The following TRIM36 variants were observed in gnomAD, a reference collection of about 807,000 sequenced individuals.
TRIM36 encodes E3 ubiquitin-protein ligase TRIM36.
Under a neutral mutation model 72.4 loss-of-function variants are expected in TRIM36, and 42 were observed. That is an observed-to-expected ratio of 0.58 (90% CI 0.45 to 0.75). TRIM36 has a LOEUF of 0.75. TRIM36 is among the 30% of genes least tolerant of loss of function. TRIM36 has a pLI of 0.00. For missense variants in TRIM36, 913 were observed against 857.1 expected, an observed-to-expected ratio of 1.07 and a Z score of -0.81; for synonymous variants, 315 against 282.8, an observed-to-expected ratio of 1.11 and a Z score of -1.14.
intron 9 of TRIM36, among the ~76,000 whole-genome samples, chr5:115,129,204 A>G (rs891994195): frequency 6.6e-6 from 1 of 152,244 alleles, no homozygotes; most frequent in Non-Finnish European, 1.5e-5. Context: ...TCTCGCAACA[A>G]TGAAATTGCC....
chr5:115,135,668 T>C (rs913429866), intron 7 of TRIM36, among the ~76,000 whole-genome samples: 4 of 152,118 alleles, frequency 2.6e-5, no homozygotes, highest in African/African-American at 7.2e-5. Context: ...AGGGAGGACC[T>C]AGGACTCACA....
chr5:115,131,023 A>G, intron 8 of TRIM36, 134 bp from the exon 9 acceptor site: 2 of 952,536 alleles, frequency 2.1e-6, no homozygotes, highest in Non-Finnish European at 3.0e-6. Flanking sequence ...ACCCCGGACA[A>G]CTATGACAAA....
exon 1 of TRIM36, chr5:115,180,033 G>A (rs1307102082): frequency 1.2e-6 from 2 of 1,613,932 alleles, no homozygotes; most frequent in Admixed American, 3.3e-5. Flanking sequence ...CCCAGACTCC[G>A]ACATGTTTAC....
At chr5:115,170,713 C>G (rs561066137), upstream of TRIM36, among the ~76,000 whole-genome samples, 24 of 152,368 alleles carry the variant, frequency 1.6e-4, no homozygotes, top group African/African-American at 5.8e-4. Flanking sequence ...GTGGAGATTC[C>G]TCTCCCGGAT....
intron 2 of TRIM36, among the ~76,000 whole-genome samples, chr5:115,154,373 A>C (rs1277800107): frequency 6.6e-6 from 1 of 152,092 alleles, no homozygotes; most frequent in Non-Finnish European, 1.5e-5. Context: ...AAATGAAAAA[A>C]AAAACCCACA....
At chr5:115,144,496 CAA>C in intron 4 of TRIM36, 100 bp downstream of exon 4, 1 of 1,396,216 alleles carries the variant, frequency 7.2e-7, no homozygotes, top group East Asian at 2.4e-5. Context: ...CATTTTAGTA[CAA>C]AAGAGACCAT....
chr5:115,164,002 G>T (rs1321235998), intron 1 of TRIM36, among the ~76,000 whole-genome samples: 1 of 152,062 alleles, frequency 6.6e-6, no homozygotes, highest in African/African-American at 2.4e-5. Context: ...AAAATATTAG[G>T]GGACCATGAT....
intron 5 of TRIM36, among the ~76,000 whole-genome samples, chr5:115,140,576 C>G (rs1753223696): frequency 6.6e-6 from 1 of 152,138 alleles, no homozygotes; most frequent in Non-Finnish European, 1.5e-5. Flanking sequence ...CCTTTCCAGA[C>G]ACTAACCTAC....
intron 5 of TRIM36, among the ~76,000 whole-genome samples, 163 bp from the exon 6 acceptor site, chr5:115,137,779 A>T (rs1580651671): frequency 6.6e-6 from 1 of 152,334 alleles, no homozygotes; most frequent in South Asian, 2.1e-4. Flanking sequence ...TATAAAGAAA[A>T]AAGTTTTATC....
rs1483729810 is a variant in TRIM36, at chr5:115,134,119, T to C, written c.1239A>G (p.Glu413=). 13 of 1,603,776 alleles carry C rather than the reference T, an allele frequency of 8.1e-6. No homozygotes were observed. Among genetic ancestry groups the C allele is most frequent in the Middle Eastern group, 1.7e-4 (1 of 5,996 alleles). Residue 413 remains glutamate (E), a synonymous_variant, in exon 8 of 10, where the codon GAA becomes GAG. Coordinates refer to ENST00000513154, the MANE Select transcript of TRIM36 (RefSeq NM_001300759.2). ...AGGCATTGTTATAAACTTTGCTCTG[T>C]TCCTCATTGATCTCTGGCACGTCTA... ...SGIDVPEINE[E]QSKVYNNALI...
At chr5:115,150,660 C>G (rs1233295731) in intron 2 of TRIM36, among the ~76,000 whole-genome samples, 5 of 152,210 alleles carry the variant, frequency 3.3e-5, no homozygotes, top group Admixed American at 2.6e-4. Context: ...CACAGGCCCC[C>G]TGAAGGAAGC....
intron 7 of TRIM36, among the ~76,000 whole-genome samples, chr5:115,135,514 G>C (rs969415933): frequency 5.0e-4 from 76 of 151,600 alleles, no homozygotes; most frequent in African/African-American, 1.8e-3. Context: ...AAAAATGAGG[G>C]GAAGATCCAT....
At chr5:115,171,094 A>G (rs1302404386), upstream of TRIM36, 1 of 1,614,102 alleles carries the variant, frequency 6.2e-7, no homozygotes, top group Non-Finnish European at 8.5e-7. Flanking sequence ...CTGTAGCGAG[A>G]CATCTCGTTT....
rs370935893 is a variant in TRIM36, at chr5:115,164,079, G to T, written c.28-327C>A. Reference sequence around the variant, plus strand: ...ACCAGTGCACTGATTTAGGACTTCGGTGAAATCCTAAAAGTAGATCATGTC... The same window carrying T: ...ACCAGTGCACTGATTTAGGACTTCGTTGAAATCCTAAAAGTAGATCATGTC... On this transcript the variant is annotated intron_variant, in intron 1 of 9. Transcript: ENST00000513154. Among the ~76,000 whole-genome samples the T allele has an allele frequency of 4.6e-5, 7 of 152,264 alleles. No individual in the cohort carries two copies. In the East Asian group the frequency reaches 9.6e-4, roughly 21 times the overall value.
chr5:115,143,805 T>C (rs1350188133), intron 4 of TRIM36, among the ~76,000 whole-genome samples: 1 of 152,234 alleles, frequency 6.6e-6, no homozygotes. Flanking sequence ...GCCTTTGTTG[T>C]TGATTATGAA....
In TRIM36 at chr5:115,169,625, C is replaced by T. The variant is rs749850800; in HGVS notation, c.10G>A (p.Asp4Asn). The T allele has an allele frequency of 9.8e-6, 15 of 1,525,062 alleles. No homozygotes were observed. In the South Asian group the frequency reaches 1.8e-4, roughly 19 times the overall value. The allele number at this position is 1,525,062 out of a possible 1,614,324, so 94.5% of individuals were successfully genotyped here. A position where few individuals can be genotyped will look rare whatever the true frequency, so the allele number is the denominator to read the frequency against. ...GCACTCACCGGCGAATCTGAGCCATCGCCCTCCATGGCTGCCTTCTGCCAG... is the reference window on the plus strand; with the variant it reads ...GCACTCACCGGCGAATCTGAGCCATTGCCCTCCATGGCTGCCTTCTGCCAG... MEG[D>N]GSDSPVTIKN... is the part of the protein sequence containing the mutation. The change falls in exon 1 of 10, where the codon GAT becomes AAT. Residue 4 changes from aspartate to asparagine, a missense_variant. Asp to Asn is a conservative substitution (Grantham distance 23). Transcript: ENST00000513154.
chr5:115,150,895 C>T (rs1753855031), intron 2 of TRIM36, among the ~76,000 whole-genome samples: 3 of 152,198 alleles, frequency 2.0e-5, no homozygotes, highest in Non-Finnish European at 4.4e-5. Flanking sequence ...GCTCACTGGG[C>T]CCCCATCAAG....
chr5:115,162,101 C>G (rs1489044772), intron 2 of TRIM36, among the ~76,000 whole-genome samples: 4 of 152,186 alleles, frequency 2.6e-5, no homozygotes, highest in African/African-American at 9.6e-5. Flanking sequence ...ATCCAGCATA[C>G]TCATTCTATC....
Position 115,163,641 on chromosome 5 carries a change from CT to C in TRIM36, c.138del (p.Glu47AsnfsTer4). 6.2e-7 allele frequency: 1 copy of C among 1,614,156 alleles called. No individual in the cohort carries two copies. Among genetic ancestry groups the C allele is most frequent in the Non-Finnish European group, 8.5e-7 (1 of 1,180,040 alleles). ...CQHSICHKCV[K>X]ELLLTLDDSF... Reference sequence around the variant, plus strand: ...GAATCATCGAGAGTCAGCAGGAGTTCTTTTACACATTTATGACAGATACTAT... The same window carrying C: ...GAATCATCGAGAGTCAGCAGGAGTTCTTTACACATTTATGACAGATACTAT... On this transcript the variant is annotated frameshift_variant, in exon 2 of 10. Coordinates refer to ENST00000513154, the MANE Select transcript of TRIM36 (RefSeq NM_001300759.2). LOFTEE classifies it high-confidence loss of function.
Sources: gnomAD v4.1 joint callset for allele counts (sites outside exome capture counted in the v4.1 genomes callset) on GRCh38, gnomAD v4.1.1 for gene constraint, MANE v1.5 for transcripts, NCBI Gene and HGNC (gene_info 2026-07-23, HGNC 2026-07-21) for gene names.